Variants in ARHGEF39 observed in about 807,000 individuals in gnomAD.
ARHGEF39 encodes Rho guanine nucleotide exchange factor (GEF) 39.
ARHGEF39 carries 45 observed loss-of-function variants against 47.5 expected under a neutral mutation model. The observed-to-expected ratio is 0.95, with a 90% CI of 0.75 to 1.22. The LOEUF is 1.22. ARHGEF39 is among the 50% of genes most tolerant of loss of function. The probability of loss-of-function intolerance (pLI) is 0.00; values close to 1 mark genes in which losing one functional copy is unlikely to be tolerated. For synonymous variants in ARHGEF39, 164 were observed against 167.8 expected (o/e 0.98, Z 0.17); for missense variants, 411 against 425.3 (o/e 0.97, Z 0.30).
rs377282569 is a variant in ARHGEF39 at position 35,662,969 on chromosome 9, C to T, written c.650G>A (p.Arg217His). The part of the protein sequence containing the change: ...LRRVQALLSG[R>H]QAKGLTSGRW... ...ACCTGAGGTCAGCCCCTTTGCCTGGCGTCCACTGAGCAGAGCCTGGACACG... is the reference window on the plus strand; with the variant it reads ...ACCTGAGGTCAGCCCCTTTGCCTGGTGTCCACTGAGCAGAGCCTGGACACG... Residue 217 changes from arginine (R) to histidine (H), a missense_variant, in exon 6 of 9, where the codon CGC becomes CAC. Physicochemically the swap from Arg to His is conservative, Grantham distance 29. Coordinates refer to ENST00000378387, the MANE Select transcript of ARHGEF39 (RefSeq NM_032818.3). 167 of 1,608,144 alleles carry T rather than the reference C, an allele frequency of 1.0e-4. 1 individual carries two copies. Among genetic ancestry groups the T allele is most frequent in the Non-Finnish European group, 1.4e-4 (161 of 1,175,390 alleles).
chr9:35,662,091 G>A, intron 8 of ARHGEF39, 88 bp downstream of exon 8: 1 of 1,598,704 alleles, frequency 6.3e-7, no homozygotes, highest in South Asian at 1.1e-5. Context: ...GGGTGTGCCA[G>A]ACCAATGTAG....
At chr9:35,664,900 A>C (rs1030675439) in intron 1 of ARHGEF39, 50 bp from the exon 2 acceptor site, 1 of 1,580,260 alleles carries the variant, frequency 6.3e-7, no homozygotes, top group Non-Finnish European at 8.6e-7. Context: ...GAGAAGGCTA[A>C]CGCCAAGCGC....
rs776791852 is a variant in ARHGEF39 at position 35,660,365 on chromosome 9, T to C, written c.*1622A>G. ...ACTGAGGTGATGGAGCAGAACCTTG[T>C]TGCTTCAGTACTGCCCTTTCCTTCT... On this transcript the variant is annotated 3_prime_UTR_variant, in exon 9 of 9. Coordinates refer to ENST00000378387, the MANE Select transcript of ARHGEF39 (RefSeq NM_032818.3). The C allele has an allele frequency of 1.3e-6, 2 of 1,534,444 alleles. No individual in the cohort carries two copies.
rs758511901 is a variant in ARHGEF39 at position 35,662,706 on chromosome 9, C to T, written c.709G>A (p.Val237Met). ...WFLRQGWLLV[V>M]PPHGEPRPRM... ...GGCCGAGGCTCCCCATGGGGAGGCA[C>T]CACTAACAGCCAGCCCTGGCGTAGG... The change falls in exon 7 of 9, where the codon GTG (valine) becomes ATG (methionine). Residue 237 changes from valine (V) to methionine (M), a missense_variant. By Grantham distance (21) the Val-to-Met change is conservative. Coordinates refer to ENST00000378387, the MANE Select transcript of ARHGEF39 (RefSeq NM_032818.3). 5.9e-5 allele frequency: 93 copies of T among 1,570,534 alleles called. No individual in the cohort carries two copies. Among genetic ancestry groups the T allele is most frequent in the Non-Finnish European group, 7.9e-5 (92 of 1,158,054 alleles).
chr9:35,663,895 G>T, intron 4 of ARHGEF39, 113 bp downstream of exon 4: 1 of 1,114,744 alleles, frequency 9.0e-7, no homozygotes, highest in Non-Finnish European at 1.3e-6. Flanking sequence ...GAAGCAATTT[G>T]GCTCAGGGTC....
rs1313994144 is a variant in ARHGEF39 at position 35,661,693 on chromosome 9, A to G, written c.*294T>C. ...ATTTCTTAATTATTTTTTCTTAAAT[A>G]GAGACAGGGTCTCACTCACTGTGTT... On this transcript the variant is annotated 3_prime_UTR_variant, in exon 9 of 9. Coordinates refer to ENST00000378387, the MANE Select transcript of ARHGEF39 (RefSeq NM_032818.3). The G allele has an allele frequency of 4.8e-6, 2 of 419,446 alleles. No homozygotes were observed. Among genetic ancestry groups the G allele is most frequent in the Non-Finnish European group, 8.4e-6 (2 of 238,066 alleles). The allele number at this position is 419,446 out of a possible 1,614,324, so 26.0% of individuals were successfully genotyped here.
chr9:35,661,477 AAAAT>A lies in ARHGEF39; in HGVS notation c.*506_*509del. On this transcript the variant is annotated 3_prime_UTR_variant, in exon 9 of 9. Transcript: ENST00000378387. ...AAAAACTTTACTCAAATCCAGTGGA[AAAAT>A]AAATGATAGAAACTATACACAACAT... 1 of 472,070 alleles carries A rather than the reference AAAAT, an allele frequency of 2.1e-6. No homozygotes were observed. Among genetic ancestry groups the A allele is most frequent in the Non-Finnish European group, 3.7e-6 (1 of 269,728 alleles). 29.2% of individuals were successfully genotyped at this position (472,070 alleles called of 1,614,324 possible). A position where few individuals can be genotyped will look rare whatever the true frequency, so the allele number is the denominator to read the frequency against.
At chr9:35,664,673 AC>A (rs758125687) in intron 2 of ARHGEF39, 82 bp downstream of exon 2, 474 of 1,504,662 alleles carry the variant, frequency 3.2e-4, no homozygotes, top group Non-Finnish European at 4.4e-5. Flanking sequence ...TCCAAATAGA[AC>A]CTAAGTCTGA....
rs201077316 is a variant in ARHGEF39 at position 35,664,375 on chromosome 9, C to A, written c.351G>T (p.Leu117=). 3.1e-6 allele frequency: 5 copies of A among 1,603,132 alleles called. No homozygotes were observed. The highest frequency in any genetic ancestry group is 4.3e-6 in the Non-Finnish European group (5 of 1,175,764). Residue 117 remains leucine, a synonymous_variant, in exon 3 of 9, where the codon CTG becomes CTT. Coordinates refer to ENST00000378387, the MANE Select transcript of ARHGEF39 (RefSeq NM_032818.3). The stretch of plus-strand genomic sequence containing the variant: ...TTTGAGGTCATCTCCAGGTTACCTG[C>A]AGGGTGGTCTGGGACCTCTCTGAGT... ...AANSERSQTT[L]QEQLKKNKGF... is the part of the protein sequence containing the mutation.
chr9:35,663,021 T>C lies in ARHGEF39; in HGVS notation c.598A>G (p.Lys200Glu), dbSNP rs766838370. The change falls in exon 6 of 9, where the codon AAA (lysine) becomes GAA (glutamate). Residue 200 changes from lysine to glutamate, a missense_variant. By Grantham distance (56) the Lys-to-Glu change is moderately conservative. Coordinates refer to ENST00000378387, the MANE Select transcript of ARHGEF39 (RefSeq NM_032818.3). ...CGAAGGTGCTGGTCATTCTTCTGTT[T>C]CTGACCAATAGTATGGACTCTCTGG... ...TAQRVHTIGQ[K>E]QKNDQHLRRV... is the part of the protein sequence containing the mutation. The C allele has an allele frequency of 6.2e-7, 1 of 1,614,056 alleles. No individual in the cohort carries two copies. Among genetic ancestry groups the C allele is most frequent in the South Asian group, 1.1e-5 (1 of 91,074 alleles).
At position 35,660,282 on chromosome 9, in the gene ARHGEF39, T is replaced by C; in HGVS notation, c.*1705A>G. 2 of 846,972 alleles carry C rather than the reference T, an allele frequency of 2.4e-6. No homozygotes were observed. Among genetic ancestry groups the C allele is most frequent in the Non-Finnish European group, 3.7e-6 (2 of 534,616 alleles). The allele number at this position is 846,972 out of a possible 1,614,324, so 52.5% of individuals were successfully genotyped here. On this transcript the variant is annotated 3_prime_UTR_variant, in exon 9 of 9. Coordinates refer to ENST00000378387, the MANE Select transcript of ARHGEF39 (RefSeq NM_032818.3). ...AGACTAGGATTGTGATTCTCTGAGGTAAAAACCCAATCACTGTCTCCATCT... is the reference window on the plus strand; with the variant it reads ...AGACTAGGATTGTGATTCTCTGAGGCAAAAACCCAATCACTGTCTCCATCT...
At chr9:35,663,445 C>T in intron 4 of ARHGEF39, 53 bp from the exon 5 acceptor site, 3 of 1,494,746 alleles carry the variant, frequency 2.0e-6, no homozygotes, top group Non-Finnish European at 2.8e-6. Flanking sequence ...GCAGAATTCC[C>T]CCTGCCTGAT....
Position 35,662,936 on chromosome 9 carries a change from G to A in ARHGEF39, c.673+10C>T. ...GCAGTTGAGGATTGAAGGGGAAGTA[G>A]GCAAGCTACCTGAGGTCAGCCCCTT... On this transcript the variant is annotated intron_variant, in intron 6 of 8. Transcript: ENST00000378387. 3.1e-6 allele frequency: 5 copies of A among 1,605,500 alleles called. No homozygotes were observed. Among genetic ancestry groups the A allele is most frequent in the Non-Finnish European group, 4.3e-6 (5 of 1,172,784 alleles).
chr9:35,660,461 G>C lies in ARHGEF39; in HGVS notation c.*1526C>G. On this transcript the variant is annotated 3_prime_UTR_variant, in exon 9 of 9. Coordinates refer to ENST00000378387, the MANE Select transcript of ARHGEF39 (RefSeq NM_032818.3). ...AAGCAAGCAGCAGCCACTGCAGTCA[G>C]GTGGGTTTAGCAGAAGTCTGTGCTG... 4 of 1,613,422 alleles carry C rather than the reference G, an allele frequency of 2.5e-6. No individual in the cohort carries two copies. Among genetic ancestry groups the C allele is most frequent in the South Asian group, 1.1e-5 (1 of 90,936 alleles).
chr9:35,665,001 C>CAT lies in ARHGEF39; in HGVS notation c.138+30_138+31insAT, dbSNP rs779117645. On this transcript the variant is annotated intron_variant, in intron 1 of 8. Transcript: ENST00000378387. ...CCTCCCACACCCTGGGGTCCCTGTCCTATAATGGGAGCGTGTGCCAGGTCC... is the reference window on the plus strand; with the variant it reads ...CCTCCCACACCCTGGGGTCCCTGTCCATTATAATGGGAGCGTGTGCCAGGTCC... The CAT allele has an allele frequency of 5.9e-6, 9 of 1,532,346 alleles. No individual in the cohort carries two copies. In the African/African-American group the frequency reaches 1.2e-4, roughly 21 times the overall value. 94.9% of individuals were successfully genotyped at this position (1,532,346 alleles called of 1,614,324 possible). A position where few individuals can be genotyped will look rare whatever the true frequency, so the allele number is the denominator to read the frequency against.
rs1334447400 is a variant in ARHGEF39 at position 35,662,839 on chromosome 9, G to A, written c.674-98C>T. 17 of 1,547,552 alleles carry A rather than the reference G, an allele frequency of 1.1e-5. No homozygotes were observed. The East Asian group carries it at 3.7e-4, about 34-fold the overall frequency. ...AAAATAGGGGTTATGTGCTGGGTCAGTACAGGAAGAAGGGTGAGTAAGAAA... is the reference window on the plus strand; with the variant it reads ...AAAATAGGGGTTATGTGCTGGGTCAATACAGGAAGAAGGGTGAGTAAGAAA... On this transcript the variant is annotated intron_variant, in intron 6 of 8. Transcript: ENST00000378387.
At position 35,659,702 on chromosome 9, in the gene ARHGEF39, G is replaced by A. The variant is rs1823791997; in HGVS notation, c.*2285C>T. On this transcript the variant is annotated 3_prime_UTR_variant, in exon 9 of 9. Transcript: ENST00000378387. ...AAACCAGAAAAAACTCAGGAAAGTG[G>A]GTGAGGGTGTGACCATTGCCTTCAA... 1 of 152,250 alleles carries A rather than the reference G, an allele frequency of 6.6e-6. No homozygotes were observed. Among genetic ancestry groups the A allele is most frequent in the South Asian group, 2.1e-4 (1 of 4,840 alleles). The allele number at this position is 152,250 out of a possible 1,614,324, so 9.4% of individuals were successfully genotyped here. A position where few individuals can be genotyped will look rare whatever the true frequency, so the allele number is the denominator to read the frequency against.
In ARHGEF39 at chr9:35,662,552, A is replaced by T. The variant is rs1269247437; in HGVS notation, c.863T>A (p.Val288Asp). Reference sequence around the variant, plus strand: ...ACAAGGGCCTCCTGAGTGGCCAAAGACCCTGCTGAGATGACACTGGGCCAT... The same window carrying T: ...ACAAGGGCCTCCTGAGTGGCCAAAGTCCCTGCTGAGATGACACTGGGCCAT... ...YPMAQCHLSR[V>D]FGHSGGPCGG... The change falls in exon 7 of 9, where the codon GTC becomes GAC. Residue 288 changes from valine (V) to aspartate (D), a missense_variant. By Grantham distance (152) the Val-to-Asp change is radical. Transcript: ENST00000378387. 1 of 1,614,126 alleles carries T rather than the reference A, an allele frequency of 6.2e-7. No individual in the cohort carries two copies.
At chr9:35,662,080 G>T in intron 8 of ARHGEF39, 78 bp from the exon 9 acceptor site, 1 of 1,604,408 alleles carries the variant, frequency 6.2e-7, no homozygotes, top group South Asian at 1.1e-5. Context: ...GTTGGTGGCT[G>T]GGGTGTGCCA....
Sources: allele counts gnomAD v4.1 joint callset, GRCh38; gene constraint gnomAD v4.1.1; transcripts MANE v1.5; gene names NCBI Gene and HGNC (gene_info 2026-07-23, HGNC 2026-07-21).